Variants in PIEZO2 observed in about 807,000 individuals in gnomAD.
PIEZO2 encodes piezo-type mechanosensitive ion channel component 2.
In PIEZO2, 172 loss-of-function variants were observed where a neutral mutation model predicts 337.3. The observed-to-expected ratio is 0.51, with a 90% CI of 0.45 to 0.58. PIEZO2 has a LOEUF of 0.58. Ranked by LOEUF, PIEZO2 falls within the 20% of genes least tolerant of loss-of-function variation. The probability of loss-of-function intolerance (pLI) is 0.00; values close to 1 mark genes in which losing one functional copy is unlikely to be tolerated. For missense variants in PIEZO2, 3,028 were observed against 3,391.3 expected (o/e 0.89, Z 2.66); for synonymous variants, 1,251 against 1,228.5 (o/e 1.02, Z -0.38).
rs554203140 is a variant in PIEZO2 at position 11,136,365 on chromosome 18, A to G, written c.64+12160T>C. Among the ~76,000 whole-genome samples the G allele has an allele frequency of 7.9e-5, 12 of 152,370 alleles. 1 individual carries two copies. Among genetic ancestry groups the G allele is most frequent in the African/African-American group, 2.9e-4 (12 of 41,602 alleles). ...AGCCTTCTAGAAAACACTGGCTCAC[A>G]AGAAACAAAGCCCATTTTATGAGGA... is the stretch of plus-strand genomic sequence containing the variant. On this transcript the variant is annotated intron_variant, in intron 1 of 55. Coordinates refer to ENST00000674853, the MANE Select transcript of PIEZO2 (RefSeq NM_001378183.1).
intron 1 of PIEZO2, among the ~76,000 whole-genome samples, chr18:11,141,002 T>C (rs1314309648): frequency 6.6e-6 from 1 of 152,236 alleles, no homozygotes; most frequent in African/African-American, 2.4e-5. Flanking sequence ...GTGCAACCCA[T>C]GTGGGATGGA....
chr18:10,689,854 C>T (rs1170733849), intron 48 of PIEZO2, 52 bp from the exon 49 acceptor site: 2 of 1,556,172 alleles, frequency 1.3e-6, no homozygotes, highest in African/African-American at 1.4e-5. Flanking sequence ...GCCCCCACCA[C>T]CCTGCTCACC....
chr18:10,909,886 C>T (rs1161122766), intron 4 of PIEZO2, among the ~76,000 whole-genome samples: 1 of 152,186 alleles, frequency 6.6e-6, no homozygotes, highest in Non-Finnish European at 1.5e-5. Context: ...GAATTATGAG[C>T]ACTTACTGAG....
intron 2 of PIEZO2, among the ~76,000 whole-genome samples, chr18:10,996,424 T>C (rs1340894478): frequency 1.3e-5 from 2 of 152,224 alleles, no homozygotes; most frequent in Admixed American, 6.5e-5. Flanking sequence ...CCATTCACCA[T>C]GTTGTGCAAT....
intron 18 of PIEZO2, among the ~76,000 whole-genome samples, chr18:10,777,931 G>C (rs1014650393): frequency 7.2e-5 from 11 of 152,146 alleles, no homozygotes; most frequent in African/African-American, 2.7e-4. Context: ...TATGTGTGTT[G>C]GTAAAATGTA....
chr18:11,025,530 C>CGATCG (rs576888883), intron 2 of PIEZO2, among the ~76,000 whole-genome samples: 160 of 152,242 alleles, frequency 1.1e-3, no homozygotes, highest in African/African-American at 3.7e-3. Context: ...GGTGCACTAG[C>CGATCG]GATCCCATTC....
chr18:10,791,125 T>C, intron 14 of PIEZO2, 76 bp downstream of exon 14: 1 of 1,361,792 alleles, frequency 7.3e-7, no homozygotes, highest in Non-Finnish European at 9.7e-7. Context: ...TGAAGCTGTC[T>C]GATGTATTTT....
chr18:10,722,010 CAA>C (rs1251570087), intron 36 of PIEZO2, among the ~76,000 whole-genome samples: 1 of 151,856 alleles, frequency 6.6e-6, no homozygotes, highest in Non-Finnish European at 1.5e-5. Flanking sequence ...AAAAATTAGC[CAA>C]GTGTGGTGGT....
intron 1 of PIEZO2, among the ~76,000 whole-genome samples, chr18:11,142,376 G>A (rs2040678362): frequency 6.6e-6 from 1 of 152,190 alleles, no homozygotes; most frequent in Non-Finnish European, 1.5e-5. Flanking sequence ...TCACGATGTT[G>A]AGTATGTACT....
intron 47 of PIEZO2, among the ~76,000 whole-genome samples, chr18:10,691,782 C>CACACACACATATATATATATATATAT: frequency 6.2e-5 from 6 of 96,616 alleles, no homozygotes; most frequent in African/African-American, 2.8e-4. Flanking sequence ...CACACACACA[C>CACACACACATATATATATATATATAT]ATATATATAT....
At chr18:10,735,775 TG>T (rs1237935878) in intron 34 of PIEZO2, among the ~76,000 whole-genome samples, 1 of 152,168 alleles carries the variant, frequency 6.6e-6, no homozygotes, top group East Asian at 1.9e-4. Flanking sequence ...CAAGCATGGA[TG>T]GGCCCCACCC....
chr18:10,685,108 AT>A (rs1428478900), intron 49 of PIEZO2, among the ~76,000 whole-genome samples: 5 of 152,054 alleles, frequency 3.3e-5, no homozygotes, highest in Non-Finnish European at 5.9e-5. Context: ...TCGGACCAAC[AT>A]TTTGCCTTTC....
intron 4 of PIEZO2, among the ~76,000 whole-genome samples, chr18:10,902,531 G>T (rs2043076383): frequency 6.6e-6 from 1 of 152,136 alleles, no homozygotes; most frequent in Non-Finnish European, 1.5e-5. Flanking sequence ...GTTTACATCA[G>T]ATTCTCTAGG....
rs1484900604 is a variant in PIEZO2 at position 10,917,100 on chromosome 18, AGTTC to A, written c.287-5876_287-5873del. 1.6e-4 allele frequency among the ~76,000 whole-genome samples: 21 copies of A among 133,140 alleles called. No homozygotes were observed. The East Asian group carries it at 4.8e-3, about 30-fold the overall frequency. The allele number at this position is 133,140 out of a possible 152,430, so 87.3% of individuals were successfully genotyped here. ...TTTAACACTCCCCAAGTACAGGGGG[AGTTC>A]GTTCTGTACAAATATACATAGACAA... On this transcript the variant is annotated intron_variant, in intron 3 of 55. Transcript: ENST00000674853.
In PIEZO2 at chr18:11,034,304, T is replaced by C. The variant is rs189738483; in HGVS notation, c.160+31823A>G. 1.2e-3 allele frequency among the ~76,000 whole-genome samples: 188 copies of C among 152,012 alleles called. 1 individual carries two copies. The highest frequency in any genetic ancestry group is 0.012 in the South Asian group (57 of 4,800). ...TGTATCATTTCTTTTCTTTTCTTTT[T>C]TTTTTCTTTTTGGCGGCGTCTAGCT... On this transcript the variant is annotated intron_variant, in intron 2 of 55. Coordinates refer to ENST00000674853, the MANE Select transcript of PIEZO2 (RefSeq NM_001378183.1).
Position 11,092,112 on chromosome 18 carries a change from G to C in PIEZO2, c.65-25890C>G, listed in dbSNP as rs1161247338. On this transcript the variant is annotated intron_variant, in intron 1 of 55. Coordinates refer to ENST00000674853, the MANE Select transcript of PIEZO2 (RefSeq NM_001378183.1). This position sits in a 1 kb window ranked among gnomAD's most constrained non-coding sequence, Gnocchi z 4.5. ...TGGCTAAAAGGGTATTTTTTGAAAG[G>C]TTGTCTGCTACCTGACTATAGAAAG... Among the ~76,000 whole-genome samples, 1 of 152,172 alleles carries C rather than the reference G, an allele frequency of 6.6e-6. No homozygotes were observed. Among genetic ancestry groups the C allele is most frequent in the Admixed American group, 6.5e-5 (1 of 15,272 alleles).
chr18:10,798,843 G>A (rs7235310), intron 11 of PIEZO2, among the ~76,000 whole-genome samples: 36,404 of 152,040 alleles, frequency 0.24, 4,590 homozygotes, highest in East Asian at 0.35. Flanking sequence ...GGAAAGCACT[G>A]TGTTTCCTTG....
At chr18:10,787,378 A>G (rs2039260555) in intron 15 of PIEZO2, among the ~76,000 whole-genome samples, 194 bp from the exon 16 acceptor site, 1 of 152,210 alleles carries the variant, frequency 6.6e-6, no homozygotes, top group Non-Finnish European at 1.5e-5. Context: ...CCCCAGTTTT[A>G]TAAATGATTG....
intron 1 of PIEZO2, among the ~76,000 whole-genome samples, chr18:11,119,050 G>C (rs1313998000): frequency 6.6e-6 from 1 of 151,988 alleles, no homozygotes; most frequent in Non-Finnish European, 1.5e-5. Context: ...AAATAAGAGA[G>C]TTGAATCTAC....
Sources: gnomAD v4.1 joint callset for allele counts (sites outside exome capture counted in the v4.1 genomes callset) on GRCh38, gnomAD v4.1.1 for gene constraint, Gnocchi (gnomAD v3.1) non-coding constraint, MANE v1.5 for transcripts, NCBI Gene and HGNC (gene_info 2026-07-23, HGNC 2026-07-21) for gene names.